The following AHCYL2 variants were observed in gnomAD, a reference collection of about 807,000 sequenced individuals.
AHCYL2 encodes the protein S-adenosylhomocysteine hydrolase-like protein 2.
In AHCYL2, 28 loss-of-function variants were observed where a neutral mutation model predicts 81.4. The ratio of observed to expected loss-of-function variants is 0.34; its 90% CI spans 0.25 to 0.47. The LOEUF (loss-of-function observed/expected upper bound fraction) is 0.47, where lower values mean the gene tolerates loss of function less well. Among genes scored for constraint, AHCYL2 ranks in the 20% least tolerant of loss-of-function variants. The pLI is 1.00. For synonymous variants in AHCYL2, 272 were observed against 290.2 expected (o/e 0.94, Z 0.64); for missense variants, 551 against 785.1 (o/e 0.70, Z 3.56).
At chr7:129,338,812 A>G (rs1431346221) in intron 1 of AHCYL2, among the ~76,000 whole-genome samples, 1 of 152,056 alleles carries the variant, frequency 6.6e-6, no homozygotes. Flanking sequence ...ATTTCCCCCA[A>G]TTTGTCATTT....
intron 1 of AHCYL2, among the ~76,000 whole-genome samples, chr7:129,282,849 T>G (rs907345457): frequency 6.6e-6 from 1 of 152,006 alleles, no homozygotes; most frequent in Non-Finnish European, 1.5e-5. Flanking sequence ...TTCAAAAACA[T>G]AGAGAGAAGA....
At chr7:129,230,423 C>T (rs1794389009) in intron 1 of AHCYL2, among the ~76,000 whole-genome samples, 1 of 151,848 alleles carries the variant, frequency 6.6e-6, no homozygotes, top group South Asian at 2.1e-4. Context: ...CTAGTGTTCT[C>T]CTTGTTTTAT....
chr7:129,372,696 C>T (rs34071868), intron 1 of AHCYL2, among the ~76,000 whole-genome samples: 3,559 of 152,112 alleles, frequency 0.023, 71 homozygotes, highest in Admixed American at 0.056. Flanking sequence ...CTCCTGTAAT[C>T]GCAGCTACTC....
At chr7:129,256,383 A>G (rs1335404715) in intron 1 of AHCYL2, among the ~76,000 whole-genome samples, 1 of 152,124 alleles carries the variant, frequency 6.6e-6, no homozygotes, top group Non-Finnish European at 1.5e-5. Context: ...TGTCTTATTT[A>G]TCTTTTAGGA....
chr7:129,411,759 CA>C (rs34771912), intron 11 of AHCYL2, among the ~76,000 whole-genome samples: 123 of 107,358 alleles, frequency 1.1e-3, no homozygotes, highest in African/African-American at 1.7e-3. Flanking sequence ...AACTCCTTCT[CA>C]AAAAAAAAAA....
intron 3 of AHCYL2, 151 bp downstream of exon 3, chr7:129,389,350 G>A: frequency 1.0e-6 from 1 of 983,834 alleles, no homozygotes; most frequent in Non-Finnish European, 1.5e-6. Flanking sequence ...AGAAACACTG[G>A]GGAAATCTGG....
chr7:129,255,409 G>C (rs940507758), intron 1 of AHCYL2, among the ~76,000 whole-genome samples: 1 of 152,100 alleles, frequency 6.6e-6, no homozygotes, highest in African/African-American at 2.4e-5. Flanking sequence ...TTGAAATCTG[G>C]TGTATATTGT....
intron 1 of AHCYL2, chr7:129,377,631 C>T (rs1794751674): frequency 2.2e-6 from 1 of 456,504 alleles, no homozygotes. Context: ...AAGGTAGAGT[C>T]ACTTGTCAGA....
chr7:129,393,477 T>C (rs1795567574), intron 4 of AHCYL2, among the ~76,000 whole-genome samples: 1 of 152,248 alleles, frequency 6.6e-6, no homozygotes, highest in Non-Finnish European at 1.5e-5. Flanking sequence ...TATGAAACTG[T>C]AAATATCTCA....
chr7:129,259,417 A>G (rs1176597932), intron 1 of AHCYL2, among the ~76,000 whole-genome samples: 1 of 152,184 alleles, frequency 6.6e-6, no homozygotes, highest in African/African-American at 2.4e-5. Flanking sequence ...TCAAGTCATA[A>G]GATTGTAAGT....
In AHCYL2 at chr7:129,419,929, A is replaced by G. The variant is rs2150963345; in HGVS notation, c.1462-2911A>G. Reference sequence around the variant, plus strand: ...CAGCAAAGACAACTGGATGTTTTTAAGAGAGATTCTTGTCAAGTTGTGCCA... The same window carrying G: ...CAGCAAAGACAACTGGATGTTTTTAGGAGAGATTCTTGTCAAGTTGTGCCA... On this transcript the variant is annotated intron_variant, in intron 12 of 16. Transcript: ENST00000325006. This position sits in a 1 kb window ranked among gnomAD's most constrained non-coding sequence, Gnocchi z 4.7. 6.6e-6 allele frequency among the ~76,000 whole-genome samples: 1 copy of G among 152,314 alleles called. No homozygotes were observed. Among genetic ancestry groups the G allele is most frequent in the Admixed American group, 6.5e-5 (1 of 15,290 alleles).
intron 1 of AHCYL2, among the ~76,000 whole-genome samples, chr7:129,235,666 G>C (rs903768947): frequency 6.6e-5 from 10 of 152,136 alleles, no homozygotes; most frequent in Admixed American, 2.0e-4. Context: ...CAAGTGAGCT[G>C]CTCACCTCAG....
intron 8 of AHCYL2, among the ~76,000 whole-genome samples, 155 bp from the exon 9 acceptor site, chr7:129,405,679 CTT>C (rs1796271377): frequency 6.6e-6 from 1 of 151,980 alleles, no homozygotes; most frequent in South Asian, 2.1e-4. Context: ...GTTTTCTGGT[CTT>C]TACCAGAAAA....
chr7:129,275,267 T>C (rs1178323430), intron 1 of AHCYL2, among the ~76,000 whole-genome samples: 1 of 151,968 alleles, frequency 6.6e-6, no homozygotes, highest in Admixed American at 6.6e-5. Context: ...CCTGTAATGG[T>C]TGCAGGCGCC....
At chr7:129,344,001 T>G (rs765052557) in intron 1 of AHCYL2, among the ~76,000 whole-genome samples, 1 of 152,100 alleles carries the variant, frequency 6.6e-6, no homozygotes, top group Non-Finnish European at 1.5e-5. Flanking sequence ...CATAGCACAG[T>G]ACATACTATA....
chr7:129,285,520 T>C (rs1296773953), intron 1 of AHCYL2, among the ~76,000 whole-genome samples: 1 of 152,050 alleles, frequency 6.6e-6, no homozygotes, highest in East Asian at 1.9e-4. Context: ...AATTTCAGTT[T>C]TGGCAAGTTG....
intron 1 of AHCYL2, among the ~76,000 whole-genome samples, chr7:129,239,345 T>A (rs1794759763): frequency 6.6e-6 from 1 of 152,198 alleles, no homozygotes; most frequent in Admixed American, 6.5e-5. Context: ...CTAGCATATA[T>A]CTGTCAGAAC....
intron 1 of AHCYL2, among the ~76,000 whole-genome samples, chr7:129,275,109 G>A (rs111539621): frequency 2.0e-5 from 3 of 152,144 alleles, no homozygotes; most frequent in African/African-American, 4.8e-5. Flanking sequence ...ATGGCCAGGC[G>A]CAGTGGCTCA....
chr7:129,416,253 C>G (rs1214637256), intron 12 of AHCYL2, among the ~76,000 whole-genome samples: 2 of 152,130 alleles, frequency 1.3e-5, no homozygotes, highest in African/African-American at 2.4e-5. Flanking sequence ...CCTTCAATTA[C>G]AAATATTTTT....
Sources: gnomAD v4.1 joint callset for allele counts (sites outside exome capture counted in the v4.1 genomes callset) on GRCh38, gnomAD v4.1.1 for gene constraint, Gnocchi (gnomAD v3.1) non-coding constraint, MANE v1.5 for transcripts, NCBI Gene and HGNC (gene_info 2026-07-23, HGNC 2026-07-21) for gene names.